Variants in ARPC2 observed in about 807,000 individuals in gnomAD.
The protein encoded by ARPC2 is actin related protein 2/3 complex subunit 2.
Under a neutral mutation model 38.6 loss-of-function variants are expected in ARPC2, and 4 were observed. The observed-to-expected ratio is 0.10, with a 90% CI of 0.05 to 0.24. ARPC2 has a LOEUF of 0.24. Among genes scored for constraint, ARPC2 ranks in the 10% least tolerant of loss-of-function variants. ARPC2 has a pLI of 1.00. For missense variants in ARPC2, 229 were observed against 387.3 expected, an observed-to-expected ratio of 0.59 and a Z score of 3.43; for synonymous variants, 125 against 140.8, an observed-to-expected ratio of 0.89 and a Z score of 0.79.
rs1401492996 is a variant in ARPC2 at position 218,217,379 on chromosome 2, CAG to C, written c.-8-83_-8-82del. Reference sequence around the variant, plus strand: ...ACCTCCTACCCCACCCAGCCCCACTCAGGGGGCAGCAGGGCCGCTCCCTCCGT... The same window carrying C: ...ACCTCCTACCCCACCCAGCCCCACTCGGGGCAGCAGGGCCGCTCCCTCCGT... On this transcript the variant is annotated intron_variant, in intron 1 of 10. Coordinates refer to ENST00000315717, the MANE Select transcript of ARPC2 (RefSeq NM_152862.3). The C allele has an allele frequency of 2.1e-4, 274 of 1,278,326 alleles. 1 individual carries two copies. Among genetic ancestry groups the C allele is most frequent in the Middle Eastern group, 1.9e-3 (10 of 5,196 alleles). 79.2% of individuals were successfully genotyped at this position (1,278,326 alleles called of 1,614,324 possible).
intron 3 of ARPC2, among the ~76,000 whole-genome samples, chr2:218,226,608 G>A (rs1168874424): frequency 5.6e-5 from 7 of 124,752 alleles, no homozygotes; most frequent in Non-Finnish European, 1.1e-4. Flanking sequence ...CAGCCTGGGC[G>A]ACAGTGAGAC....
chr2:218,228,637 C>T, intron 3 of ARPC2, 101 bp from the exon 4 acceptor site: 4 of 621,174 alleles, frequency 6.4e-6, no homozygotes, highest in Non-Finnish European at 1.1e-5. Flanking sequence ...TACATGCCTC[C>T]TTAAAAGTGG....
At chr2:218,238,938 TC>T in intron 6 of ARPC2, 88 bp downstream of exon 6, 1 of 1,080,122 alleles carries the variant, frequency 9.3e-7, no homozygotes, top group Non-Finnish European at 1.3e-6. Context: ...GGTCAAACTT[TC>T]AGCTGTATTG....
At chr2:218,228,987 T>G in intron 4 of ARPC2, 137 bp downstream of exon 4, 1 of 572,324 alleles carries the variant, frequency 1.7e-6, no homozygotes, top group Non-Finnish European at 3.1e-6. Flanking sequence ...CTTGACTTGA[T>G]TCCTATAATG....
At chr2:218,219,493 G>A (rs1315121741) in intron 2 of ARPC2, among the ~76,000 whole-genome samples, 1 of 152,000 alleles carries the variant, frequency 6.6e-6, no homozygotes, top group Non-Finnish European at 1.5e-5. Context: ...GGGATTACAA[G>A]CACGTGCTAC....
At chr2:218,230,287 C>CTTTTTTTTTTTTTTTTTTTTT (rs768585570) in intron 4 of ARPC2, among the ~76,000 whole-genome samples, 26 of 73,014 alleles carry the variant, frequency 3.6e-4, no homozygotes, top group Non-Finnish European at 3.9e-4. Flanking sequence ...TTTTTTTTTT[C>CTTTTTTTTTTTTTTTTTTTTT]TTTTTTTTTT....
At chr2:218,234,739 C>G (rs1012248082) in intron 5 of ARPC2, 2 of 471,724 alleles carry the variant, frequency 4.2e-6, no homozygotes, top group African/African-American at 3.9e-5. Flanking sequence ...GATTCCCACC[C>G]TCGGCCCTTA....
chr2:218,229,593 C>G (rs997250987), intron 4 of ARPC2, among the ~76,000 whole-genome samples: 7 of 152,266 alleles, frequency 4.6e-5, no homozygotes, highest in African/African-American at 1.7e-4. Flanking sequence ...GAAGATATAA[C>G]CATAGCTGTT....
At chr2:218,241,155 AT>A (rs1689905527) in intron 7 of ARPC2, among the ~76,000 whole-genome samples, 1 of 152,220 alleles carries the variant, frequency 6.6e-6, no homozygotes, top group Non-Finnish European at 1.5e-5. Context: ...AGATTTTTAA[AT>A]TCTGAAGCAG....
chr2:218,244,515 G>T (rs1210304743), intron 7 of ARPC2, among the ~76,000 whole-genome samples: 9 of 152,232 alleles, frequency 5.9e-5, no homozygotes, highest in Non-Finnish European at 1.3e-4. Flanking sequence ...GATAAATTAA[G>T]CAGGATCTTT....
intron 2 of ARPC2, among the ~76,000 whole-genome samples, chr2:218,221,633 T>C (rs1574574372): frequency 6.6e-6 from 1 of 152,214 alleles, no homozygotes; most frequent in Non-Finnish European, 1.5e-5. Context: ...AGCATCCTCA[T>C]TGTGTATATA....
rs147634171 is a variant in ARPC2, at chr2:218,243,035, G to A, written c.550-2385G>A. 4.5e-3 allele frequency among the ~76,000 whole-genome samples: 680 copies of A among 152,218 alleles called. 7 individuals carry two copies. The highest frequency in any genetic ancestry group is 0.015 in the African/African-American group (615 of 41,516). ...ATAGGTAGAAAGCCCTTCCCTACTC[G>A]AAGGTTATAAAGAAATTTACCTGTT... On this transcript the variant is annotated intron_variant, in intron 7 of 10. Coordinates refer to ENST00000315717, the MANE Select transcript of ARPC2 (RefSeq NM_152862.3).
rs142111996 is a variant in ARPC2 at position 218,244,973 on chromosome 2, T to G, written c.550-447T>G. On this transcript the variant is annotated intron_variant, in intron 7 of 10. Transcript: ENST00000315717. ...GGAACATAGAAGGAAGGGCTTCCTTTATGAGCACCAAGACAACTCAGCTTC... is the reference window on the plus strand; with the variant it reads ...GGAACATAGAAGGAAGGGCTTCCTTGATGAGCACCAAGACAACTCAGCTTC... Among the ~76,000 whole-genome samples the G allele has an allele frequency of 2.9e-3, 446 of 152,356 alleles. 1 individual carries two copies. Among genetic ancestry groups the G allele is most frequent in the African/African-American group, 0.01 (425 of 41,584 alleles).
At chr2:218,252,522 G>A (rs1330696861) in intron 10 of ARPC2, among the ~76,000 whole-genome samples, 2 of 152,156 alleles carry the variant, frequency 1.3e-5, no homozygotes, top group African/African-American at 2.4e-5. Context: ...TTGGTGACCT[G>A]GAGTGTGAGG....
chr2:218,242,015 AC>A (rs1312189818), intron 7 of ARPC2, among the ~76,000 whole-genome samples: 1 of 152,242 alleles, frequency 6.6e-6, no homozygotes, highest in Non-Finnish European at 1.5e-5. Flanking sequence ...AGAAAGTTGT[AC>A]CCTGAGAACA....
At chr2:218,239,184 T>A (rs1195282581) in intron 6 of ARPC2, 1 of 586,262 alleles carries the variant, frequency 1.7e-6, no homozygotes, top group African/African-American at 1.9e-5. Context: ...AAAATCTACT[T>A]CTGATAATTT....
intron 10 of ARPC2, among the ~76,000 whole-genome samples, chr2:218,252,439 C>G (rs1396859403): frequency 6.6e-6 from 1 of 152,188 alleles, no homozygotes; most frequent in East Asian, 1.9e-4. Context: ...AACCTAGTCT[C>G]CATCCTGGTG....
At chr2:218,226,730 A>G (rs1351102128) in intron 3 of ARPC2, among the ~76,000 whole-genome samples, 1 of 151,424 alleles carries the variant, frequency 6.6e-6, no homozygotes, top group Non-Finnish European at 1.5e-5. Flanking sequence ...TATTTAATCC[A>G]CTGATGACTG....
chr2:218,237,826 C>T (rs1689810037), intron 5 of ARPC2, among the ~76,000 whole-genome samples: 1 of 152,170 alleles, frequency 6.6e-6, no homozygotes, highest in Admixed American at 6.5e-5. Flanking sequence ...CCTTGGCCTC[C>T]CAAAATGCTG....
Sources: allele counts gnomAD v4.1 joint callset (sites outside exome capture counted in the v4.1 genomes callset), GRCh38; gene constraint gnomAD v4.1.1; transcripts MANE v1.5; gene names NCBI Gene and HGNC (gene_info 2026-07-23, HGNC 2026-07-21).